Variants in TBC1D2B observed in about 807,000 individuals in gnomAD.
TBC1D2B encodes the protein TBC1 domain family member 2B.
TBC1D2B carries 64 observed loss-of-function variants against 100.8 expected under a neutral mutation model. That is an observed-to-expected ratio of 0.64 (90% CI 0.52 to 0.78). TBC1D2B has a LOEUF of 0.78. Ranked by LOEUF, TBC1D2B falls within the 30% of genes least tolerant of loss-of-function variation. TBC1D2B has a pLI of 0.00. For missense variants in TBC1D2B, 1,052 were observed against 1,218.4 expected (o/e 0.86, Z 2.03); for synonymous variants, 480 against 479.7 (o/e 1.00, Z -0.01).
At position 78,024,026 on chromosome 15, in the gene TBC1D2B, A is replaced by C. The variant is rs529561429; in HGVS notation, c.1470+130T>G. The C allele has an allele frequency of 5.8e-5, 68 of 1,181,820 alleles. No individual in the cohort carries two copies. In the South Asian group the frequency reaches 1.1e-3, roughly 19 times the overall value. The allele number at this position is 1,181,820 out of a possible 1,614,324, so 73.2% of individuals were successfully genotyped here. On this transcript the variant is annotated intron_variant, in intron 6 of 12. Transcript: ENST00000300584. ...ATTATTTGATGGTAAGTCCTGTTACACTTGTGGGGAAAAAAAATAAGTGTG... is the reference window on the plus strand; with the variant it reads ...ATTATTTGATGGTAAGTCCTGTTACCCTTGTGGGGAAAAAAAATAAGTGTG...
intron 1 of TBC1D2B, among the ~76,000 whole-genome samples, chr15:78,074,786 AACTT>A (rs1163821625): frequency 6.6e-6 from 1 of 152,254 alleles, no homozygotes; most frequent in East Asian, 1.9e-4. Context: ...ATCAGTGTGT[AACTT>A]ACTTCTTGTT....
chr15:78,004,202 C>T (rs1188911920), intron 10 of TBC1D2B, among the ~76,000 whole-genome samples: 3 of 152,212 alleles, frequency 2.0e-5, no homozygotes, highest in African/African-American at 4.8e-5. Flanking sequence ...AGGCACGGGG[C>T]CAGTGCTGGG....
At chr15:78,003,621 C>T (rs955757178) in intron 10 of TBC1D2B, 131 bp from the exon 11 acceptor site, 4 of 649,120 alleles carry the variant, frequency 6.2e-6, no homozygotes, top group South Asian at 3.9e-5. Flanking sequence ...CCAAATGCAC[C>T]GTGGGGCCCA....
chr15:78,071,680 C>A (rs1314617438), intron 1 of TBC1D2B, among the ~76,000 whole-genome samples: 1 of 152,178 alleles, frequency 6.6e-6, no homozygotes, highest in African/African-American at 2.4e-5. Context: ...GCATGTAATA[C>A]ACCTGTATAT....
At chr15:78,075,964 C>A (rs1439608774) in intron 1 of TBC1D2B, among the ~76,000 whole-genome samples, 1 of 152,224 alleles carries the variant, frequency 6.6e-6, no homozygotes, top group Non-Finnish European at 1.5e-5. Context: ...CACTTTCATA[C>A]ATCCCAGCCC....
rs188477664 is a variant in TBC1D2B, at chr15:78,041,463, A to G, written c.683+3437T>C. ...AGGAACCTTAAAATGTCAGTTCATC[A>G]GGGGAGCTAGTTAAGAGAGTTTCAA... On this transcript the variant is annotated intron_variant, in intron 3 of 12. Transcript: ENST00000300584. Among the ~76,000 whole-genome samples the G allele has an allele frequency of 1.1e-3, 165 of 152,320 alleles. 2 individuals carry two copies. Among genetic ancestry groups the G allele is most frequent in the Non-Finnish European group, 2.0e-3 (137 of 68,038 alleles).
chr15:78,062,390 C>T (rs2073565772), intron 1 of TBC1D2B, among the ~76,000 whole-genome samples: 1 of 152,302 alleles, frequency 6.6e-6, no homozygotes, highest in East Asian at 1.9e-4. Context: ...TATAGCTTTG[C>T]AGGGCTCTTC....
chr15:78,077,237 G>C (rs977632020), intron 1 of TBC1D2B, 56 bp downstream of exon 1: 2 of 1,403,442 alleles, frequency 1.4e-6, no homozygotes, highest in Admixed American at 6.5e-5. Context: ...AGCCAGTGGC[G>C]GAGGCAGGGG....
At chr15:78,025,835 A>G (rs976357391) in intron 4 of TBC1D2B, among the ~76,000 whole-genome samples, 1 of 152,038 alleles carries the variant, frequency 6.6e-6, no homozygotes, top group Non-Finnish European at 1.5e-5. Flanking sequence ...CAAAACTTGT[A>G]TTTTAAACAA....
intron 3 of TBC1D2B, among the ~76,000 whole-genome samples, chr15:78,041,387 G>C (rs367666073): frequency 1.3e-5 from 2 of 152,250 alleles, no homozygotes; most frequent in Non-Finnish European, 2.9e-5. Context: ...GTGCCCTGAA[G>C]TGGCCCATTT....
At chr15:78,064,651 T>C (rs904129491) in intron 1 of TBC1D2B, among the ~76,000 whole-genome samples, 12 of 152,324 alleles carry the variant, frequency 7.9e-5, no homozygotes, top group African/African-American at 2.6e-4. Flanking sequence ...AAACAGACTC[T>C]AACCCCGAAT....
At chr15:78,004,378 C>T (rs2072011048) in intron 10 of TBC1D2B, among the ~76,000 whole-genome samples, 1 of 152,246 alleles carries the variant, frequency 6.6e-6, no homozygotes, top group African/African-American at 2.4e-5. Flanking sequence ...GGAGAAACCG[C>T]TCCTACAGCT....
intron 4 of TBC1D2B, among the ~76,000 whole-genome samples, chr15:78,028,707 G>A (rs2072734154): frequency 6.6e-6 from 1 of 152,150 alleles, no homozygotes; most frequent in African/African-American, 2.4e-5. Flanking sequence ...CCTGAATCTG[G>A]GCAGGCCTCC....
intron 10 of TBC1D2B, among the ~76,000 whole-genome samples, chr15:78,006,613 T>A (rs1010375996): frequency 1.3e-5 from 2 of 152,108 alleles, no homozygotes; most frequent in African/African-American, 4.8e-5. Context: ...AGGCCCAGAG[T>A]TGCAGAGGCC....
At chr15:78,060,952 A>G (rs538892404) in intron 1 of TBC1D2B, among the ~76,000 whole-genome samples, 13 of 152,064 alleles carry the variant, frequency 8.5e-5, no homozygotes, top group African/African-American at 2.4e-4. Flanking sequence ...TCTTTAAAAT[A>G]TAATAATAAT....
chr15:78,059,305 A>G (rs1479730805), intron 1 of TBC1D2B, among the ~76,000 whole-genome samples: 1 of 152,202 alleles, frequency 6.6e-6, no homozygotes, highest in Non-Finnish European at 1.5e-5. Context: ...TGTCCTGAAT[A>G]TAAACACTCA....
At chr15:78,062,051 C>T (rs1021839359) in intron 1 of TBC1D2B, among the ~76,000 whole-genome samples, 4 of 152,108 alleles carry the variant, frequency 2.6e-5, no homozygotes, top group East Asian at 1.9e-4. Context: ...CTGTCAAGAC[C>T]GAGCCCAAAA....
At chr15:78,037,993 G>A (rs1047915720) in intron 3 of TBC1D2B, among the ~76,000 whole-genome samples, 1 of 152,162 alleles carries the variant, frequency 6.6e-6, no homozygotes, top group African/African-American at 2.4e-5. Flanking sequence ...CTGTCGTCCT[G>A]CTAGGGAAGG....
chr15:78,031,574 A>AAAAAAAC (rs1452770906), intron 3 of TBC1D2B, among the ~76,000 whole-genome samples: 8 of 147,506 alleles, frequency 5.4e-5, no homozygotes, highest in Non-Finnish European at 1.2e-4. Context: ...AAAAAAAAAA[A>AAAAAAAC]AGAGAGAGAG....
Sources: gnomAD v4.1 joint callset for allele counts (sites outside exome capture counted in the v4.1 genomes callset) on GRCh38, gnomAD v4.1.1 for gene constraint, MANE v1.5 for transcripts, NCBI Gene and HGNC (gene_info 2026-07-23, HGNC 2026-07-21) for gene names.